The following DNAAF9 variants were observed in gnomAD, a reference collection of about 807,000 sequenced individuals.
DNAAF9 encodes dynein axonemal assembly factor 9.
In DNAAF9, 90 loss-of-function variants were observed where a neutral mutation model predicts 167.0. The ratio of observed to expected loss-of-function variants is 0.54; its 90% CI spans 0.45 to 0.64. DNAAF9 has a LOEUF of 0.64. Ranked by LOEUF, DNAAF9 falls within the 30% of genes least tolerant of loss-of-function variation. The pLI, the probability that DNAAF9 is intolerant of heterozygous loss-of-function variation, is 0.00. For missense variants in DNAAF9, 1,315 were observed against 1,442.2 expected (o/e 0.91, Z 1.43); for synonymous variants, 491 against 508.8 (o/e 0.96, Z 0.47).
intron 31 of DNAAF9, among the ~76,000 whole-genome samples, chr20:3,260,923 T>C (rs948766649): frequency 6.6e-6 from 1 of 152,118 alleles, no homozygotes; most frequent in Non-Finnish European, 1.5e-5. Context: ...TAAGCCACCA[T>C]AGCCGGTCTT....
chr20:3,290,117 A>G lies in DNAAF9; in HGVS notation c.2327+12T>C. On this transcript the variant is annotated intron_variant, in intron 26 of 36. Transcript: ENST00000252032. Reference sequence around the variant, plus strand: ...TCCCTTTCCCCAAAGCAAAGGCATCAGCCATACTAACCTGCCACATTCCTT... The same window carrying G: ...TCCCTTTCCCCAAAGCAAAGGCATCGGCCATACTAACCTGCCACATTCCTT... 2.6e-6 allele frequency: 4 copies of G among 1,566,192 alleles called. No individual in the cohort carries two copies. Among genetic ancestry groups the G allele is most frequent in the Non-Finnish European group, 2.6e-6 (3 of 1,136,320 alleles).
chr20:3,383,887 C>T (rs2083697405), intron 1 of DNAAF9, among the ~76,000 whole-genome samples: 1 of 151,954 alleles, frequency 6.6e-6, no homozygotes, highest in African/African-American at 2.4e-5. Flanking sequence ...TAACCTCCGC[C>T]TCCTGGGTCC....
rs2122890127 is a variant in DNAAF9, at chr20:3,287,646, C to G, written c.2472G>C (p.Leu824=). Residue 824 remains leucine (L), a synonymous_variant, in exon 27 of 37, where the codon CTG becomes CTC. Coordinates refer to ENST00000252032, the MANE Select transcript of DNAAF9 (RefSeq NM_001009984.3). The part of the protein sequence containing the change: ...SAYIRKKTRL[L]VVLQGYTDVI... ...CCAATGCTCACCCTTGTAACACCAC[C>G]AGCAGTCTGGTCTTCTTGCGGATGT... 1 of 1,614,240 alleles carries G rather than the reference C, an allele frequency of 6.2e-7. No individual in the cohort carries two copies. Among genetic ancestry groups the G allele is most frequent in the Non-Finnish European group, 8.5e-7 (1 of 1,180,036 alleles).
chr20:3,407,543 G>A lies in DNAAF9; in HGVS notation c.15C>T (p.Pro5=), dbSNP rs1460313324. The A allele has an allele frequency of 6.4e-6, 8 of 1,256,064 alleles. No homozygotes were observed. Among genetic ancestry groups the A allele is most frequent in the Non-Finnish European group, 8.0e-6 (8 of 1,004,188 alleles). 77.8% of individuals were successfully genotyped at this position (1,256,064 alleles called of 1,614,324 possible). A position where few individuals can be genotyped will look rare whatever the true frequency, so the allele number is the denominator to read the frequency against. The change falls in exon 1 of 37, where the codon CCC becomes CCT. Residue 5 remains proline (P), a synonymous_variant. Coordinates refer to ENST00000252032, the MANE Select transcript of DNAAF9 (RefSeq NM_001009984.3). The stretch of plus-strand genomic sequence containing the variant: ...CGCGGGGCAGCCCCTGCCGGCGCGG[G>A]GGGTACACGTCCATGGCGGCGGACG... The part of the protein sequence containing the change: MDVY[P]PRRQGLPRAR...
chr20:3,311,712 G>A (rs1449207162), intron 20 of DNAAF9, among the ~76,000 whole-genome samples: 1 of 152,230 alleles, frequency 6.6e-6, no homozygotes, highest in East Asian at 1.9e-4. Flanking sequence ...TCTACATTAT[G>A]ATTCTATTTG....
intron 27 of DNAAF9, 85 bp downstream of exon 27, chr20:3,287,547 C>T: frequency 1.5e-6 from 2 of 1,298,904 alleles, no homozygotes; most frequent in Non-Finnish European, 2.2e-6. Context: ...CTGTTCTGTG[C>T]TCCAGGTTTG....
At chr20:3,290,061 T>C (rs2068923353) in intron 26 of DNAAF9, 68 bp downstream of exon 26, 1 of 991,790 alleles carries the variant, frequency 1.0e-6, no homozygotes, top group African/African-American at 1.6e-5. Context: ...TGTCTAAGGT[T>C]TTCCAGTGCC....
chr20:3,387,795 A>C (rs1161425937), intron 1 of DNAAF9, among the ~76,000 whole-genome samples: 8 of 149,476 alleles, frequency 5.4e-5, no homozygotes, highest in African/African-American at 1.7e-4. Flanking sequence ...TAATCTCAGC[A>C]CTTTGAGAGG....
At chr20:3,361,078 G>A (rs920672944) in intron 6 of DNAAF9, among the ~76,000 whole-genome samples, 6 of 152,188 alleles carry the variant, frequency 3.9e-5, no homozygotes, top group African/African-American at 1.4e-4. Flanking sequence ...AACAAGGGAG[G>A]TCAAAGACTC....
chr20:3,275,479 T>C (rs2068661704), intron 29 of DNAAF9, among the ~76,000 whole-genome samples: 1 of 152,232 alleles, frequency 6.6e-6, no homozygotes, highest in African/African-American at 2.4e-5. Context: ...TACAAAGTCC[T>C]GTCTGCTGCA....
At position 3,332,388 on chromosome 20, in the gene DNAAF9, A is replaced by G. The variant is rs770359399; in HGVS notation, c.982-27T>C. The G allele has an allele frequency of 3.2e-6, 4 of 1,231,252 alleles. No individual in the cohort carries two copies. In the East Asian group the frequency reaches 6.9e-5, roughly 21 times the overall value. 76.3% of individuals were successfully genotyped at this position (1,231,252 alleles called of 1,614,324 possible). A position where few individuals can be genotyped will look rare whatever the true frequency, so the allele number is the denominator to read the frequency against. Reference sequence around the variant, plus strand: ...TGGATGTCAGAAAAAAATAAAAATAAAAAGGGGCAATAACTTAGGCATGTA... The same window carrying G: ...TGGATGTCAGAAAAAAATAAAAATAGAAAGGGGCAATAACTTAGGCATGTA... On this transcript the variant is annotated intron_variant, in intron 10 of 36. Coordinates refer to ENST00000252032, the MANE Select transcript of DNAAF9 (RefSeq NM_001009984.3).
At chr20:3,285,893 T>C (rs1025264222) in intron 27 of DNAAF9, among the ~76,000 whole-genome samples, 5 of 151,074 alleles carry the variant, frequency 3.3e-5, no homozygotes, top group East Asian at 1.9e-4. Flanking sequence ...AGTGGGAGTA[T>C]TGCTTGAACT....
chr20:3,308,401 G>C (rs1039671168), intron 20 of DNAAF9, among the ~76,000 whole-genome samples: 4 of 146,322 alleles, frequency 2.7e-5, no homozygotes, highest in African/African-American at 5.1e-5. Context: ...GGAGTGCAGT[G>C]GTGCCATCTC....
chr20:3,392,610 T>C (rs1052768153), intron 1 of DNAAF9, among the ~76,000 whole-genome samples: 4 of 152,236 alleles, frequency 2.6e-5, no homozygotes, highest in African/African-American at 9.6e-5. Flanking sequence ...TAAACAATCA[T>C]CTCTGTTCTT....
chr20:3,404,564 G>A (rs75042032), intron 1 of DNAAF9, among the ~76,000 whole-genome samples: 6,564 of 151,862 alleles, frequency 0.043, 206 homozygotes, highest in African/African-American at 0.089. Context: ...TTGTTCTTTC[G>A]GCCGTATTTC....
chr20:3,320,368 G>C (rs974980316), intron 16 of DNAAF9, among the ~76,000 whole-genome samples: 2 of 152,202 alleles, frequency 1.3e-5, no homozygotes, highest in Non-Finnish European at 2.9e-5. Context: ...CTCTGGATAA[G>C]AGGACAGAAT....
At chr20:3,373,451 G>T (rs2083536076) in intron 6 of DNAAF9, among the ~76,000 whole-genome samples, 5 of 152,166 alleles carry the variant, frequency 3.3e-5, no homozygotes, top group Admixed American at 3.3e-4. Context: ...CACTGTCCCA[G>T]ACTCACTTAA....
At chr20:3,255,094 G>A in intron 35 of DNAAF9, 125 bp downstream of exon 35, 1 of 631,012 alleles carries the variant, frequency 1.6e-6, no homozygotes, top group Non-Finnish European at 2.9e-6. Context: ...CTGTGGCCTG[G>A]GAGAAGCAAG....
intron 29 of DNAAF9, among the ~76,000 whole-genome samples, chr20:3,276,480 C>T (rs1045446457): frequency 9.9e-5 from 15 of 152,170 alleles, no homozygotes; most frequent in East Asian, 3.8e-4. Context: ...AGTTGGAAGG[C>T]AGTATAAATG....
Sources: allele counts gnomAD v4.1 joint callset (sites outside exome capture counted in the v4.1 genomes callset), GRCh38; gene constraint gnomAD v4.1.1; transcripts MANE v1.5; gene names NCBI Gene and HGNC (gene_info 2026-07-23, HGNC 2026-07-21).